The following NNT variants were observed in gnomAD, a reference collection of about 807,000 sequenced individuals.
NNT encodes nicotinamide nucleotide transhydrogenase.
A neutral mutation model predicts 104.8 loss-of-function variants in NNT; 50 were observed. The ratio of observed to expected loss-of-function variants is 0.48; its 90% CI spans 0.38 to 0.60. NNT has a LOEUF of 0.60. NNT is among the 20% of genes least tolerant of loss of function. NNT has a pLI of 0.00. For synonymous variants in NNT, 461 were observed against 490.4 expected, an observed-to-expected ratio of 0.94 and a Z score of 0.79; for missense variants, 1,131 against 1,330.7, an observed-to-expected ratio of 0.85 and a Z score of 2.33.
rs565831005 is a variant in NNT, at chr5:43,651,866, T to C, written c.1845T>C (p.Ser615=). 2.4e-4 allele frequency: 388 copies of C among 1,614,180 alleles called. 8 individuals are homozygous for C. The South Asian group carries it at 4.1e-3, about 17-fold the overall frequency. ...FVGGYLAALY[S]GYNIEQIMYL... ...GTGGATATTTAGCTGCCCTCTACAG[T>C]GGTTATAACATTGAACAGGTAAGAT... is the stretch of plus-strand genomic sequence containing the variant. Residue 615 remains serine (S), a synonymous_variant, in exon 13 of 22, where the codon AGT becomes AGC. Coordinates refer to ENST00000344920, the MANE Select transcript of NNT (RefSeq NM_182977.3).
At chr5:43,647,312 T>C (rs1739501036) in intron 10 of NNT, among the ~76,000 whole-genome samples, 1 of 152,214 alleles carries the variant, frequency 6.6e-6, no homozygotes, top group African/African-American at 2.4e-5. Flanking sequence ...ATGGAACATA[T>C]TATGAGTAGG....
chr5:43,649,454 C>T, intron 11 of NNT, 146 bp downstream of exon 11: 1 of 911,160 alleles, frequency 1.1e-6, no homozygotes, highest in Admixed American at 2.4e-5. Flanking sequence ...TAAGGGCTCC[C>T]AGACTCTGAG....
intron 19 of NNT, among the ~76,000 whole-genome samples, chr5:43,691,778 A>G (rs910424360): frequency 2.0e-5 from 3 of 152,212 alleles, no homozygotes; most frequent in Non-Finnish European, 2.9e-5. Context: ...ATTTTCTTCC[A>G]TTATTATTCA....
At chr5:43,670,880 G>C (rs1048697271) in intron 17 of NNT, among the ~76,000 whole-genome samples, 4 of 152,104 alleles carry the variant, frequency 2.6e-5, no homozygotes, top group Non-Finnish European at 5.9e-5. Flanking sequence ...GTTGACAGTG[G>C]GGTGTTAAAG....
At chr5:43,624,735 C>G (rs1750276521) in intron 6 of NNT, among the ~76,000 whole-genome samples, 1 of 152,122 alleles carries the variant, frequency 6.6e-6, no homozygotes, top group Admixed American at 6.5e-5. Context: ...GATTAAAATT[C>G]TTCTTCATTT....
chr5:43,617,351 A>G (rs954625581), intron 4 of NNT, among the ~76,000 whole-genome samples: 1 of 152,200 alleles, frequency 6.6e-6, no homozygotes, highest in Non-Finnish European at 1.5e-5. Flanking sequence ...GTATGGCAGG[A>G]TTGTGCAGAA....
At chr5:43,662,756 G>A (rs1003369172) in intron 17 of NNT, among the ~76,000 whole-genome samples, 2 of 152,096 alleles carry the variant, frequency 1.3e-5, no homozygotes, top group African/African-American at 4.8e-5. Context: ...AGCTGGGCAT[G>A]GTGGCACATG....
chr5:43,628,427 A>T, intron 7 of NNT, 40 bp downstream of exon 7: 1 of 1,455,300 alleles, frequency 6.9e-7, no homozygotes. Context: ...AAGCACTTTT[A>T]CTCTTTTTTT....
At chr5:43,688,541 T>G (rs986666037) in intron 19 of NNT, among the ~76,000 whole-genome samples, 1 of 152,196 alleles carries the variant, frequency 6.6e-6, no homozygotes, top group Non-Finnish European at 1.5e-5. Flanking sequence ...ACCCAATGTG[T>G]ACTCTTTTAT....
chr5:43,664,212 C>A (rs978366137), intron 17 of NNT, among the ~76,000 whole-genome samples: 1 of 152,110 alleles, frequency 6.6e-6, no homozygotes. Flanking sequence ...GAATGATATC[C>A]AAATATCATA....
chr5:43,697,372 T>C (rs1742613583), intron 19 of NNT, among the ~76,000 whole-genome samples: 1 of 152,184 alleles, frequency 6.6e-6, no homozygotes, highest in African/African-American at 2.4e-5. Context: ...GATTTCATTG[T>C]CCATAACGTT....
intron 3 of NNT, chr5:43,613,378 A>G (rs1429267732): frequency 4.6e-6 from 2 of 430,762 alleles, no homozygotes; most frequent in African/African-American, 2.0e-5. Flanking sequence ...TACATTTGCT[A>G]TATGGACATT....
chr5:43,670,311 A>G (rs985105972), intron 17 of NNT, among the ~76,000 whole-genome samples: 12 of 151,904 alleles, frequency 7.9e-5, no homozygotes, highest in Admixed American at 1.3e-4. Flanking sequence ...AGTTATTTCT[A>G]GACTCCTGTA....
At chr5:43,696,982 A>T (rs971450117) in intron 19 of NNT, among the ~76,000 whole-genome samples, 15 of 152,008 alleles carry the variant, frequency 9.9e-5, no homozygotes, top group African/African-American at 3.6e-4. Context: ...CCCTGGAGAG[A>T]TTTTCTCCAT....
At chr5:43,602,980 C>A (rs1749002121), upstream of NNT, 1 of 152,424 alleles carries the variant, frequency 6.6e-6, no homozygotes, top group Admixed American at 6.5e-5. Flanking sequence ...TTCGCCTGTC[C>A]CCGAGAGTGG....
intron 19 of NNT, among the ~76,000 whole-genome samples, chr5:43,686,032 A>G (rs1052438415): frequency 1.3e-5 from 2 of 152,104 alleles, no homozygotes; most frequent in South Asian, 4.1e-4. Flanking sequence ...GTATACACTT[A>G]TATTAGTTTT....
intron 20 of NNT, among the ~76,000 whole-genome samples, chr5:43,700,655 A>C (rs1243422467): frequency 6.6e-6 from 1 of 152,160 alleles, no homozygotes; most frequent in African/African-American, 2.4e-5. Context: ...CTGGTTTTCA[A>C]TTGTACTAAC....
chr5:43,609,463 C>A, intron 2 of NNT, 117 bp downstream of exon 2: 1 of 920,328 alleles, frequency 1.1e-6, no homozygotes, highest in Non-Finnish European at 1.6e-6. Context: ...TGTGAGTGAT[C>A]ATTTTAAACA....
intron 19 of NNT, among the ~76,000 whole-genome samples, chr5:43,681,994 C>T (rs954993902): frequency 6.6e-6 from 1 of 152,046 alleles, no homozygotes; most frequent in Admixed American, 6.6e-5. Flanking sequence ...CCTGAAATAT[C>T]TTGCATGTTT....
Sources: allele counts gnomAD v4.1 joint callset (sites outside exome capture counted in the v4.1 genomes callset), GRCh38; gene constraint gnomAD v4.1.1; transcripts MANE v1.5; gene names NCBI Gene and HGNC (gene_info 2026-07-23, HGNC 2026-07-21).